The following EYS variants were observed in gnomAD, a reference collection of about 807,000 sequenced individuals.
EYS encodes protein eyes shut homolog.
Under a neutral mutation model 282.1 loss-of-function variants are expected in EYS, and 250 were observed. The observed-to-expected ratio is 0.89, with a 90% CI of 0.80 to 0.98. EYS has a LOEUF of 0.98. EYS is among the 50% of genes least tolerant of loss of function. EYS has a pLI of 0.00. For synonymous variants in EYS, 1,355 were observed against 1,282.9 expected (o/e 1.06, Z -1.20); for missense variants, 4,016 against 3,709.0 (o/e 1.08, Z -2.15).
intron 10 of EYS, among the ~76,000 whole-genome samples, chr6:65,337,668 A>G (rs1770040332): frequency 6.6e-6 from 1 of 151,078 alleles, no homozygotes; most frequent in African/African-American, 2.4e-5. Flanking sequence ...ACTTGGCTAT[A>G]AAGCTATATT....
intron 13 of EYS, among the ~76,000 whole-genome samples, chr6:65,014,836 A>G (rs1323016880): frequency 6.6e-6 from 1 of 152,172 alleles, no homozygotes; most frequent in Non-Finnish European, 1.5e-5. Context: ...TATGTGGCCA[A>G]TAAGAATTTG....
chr6:65,201,441 A>G (rs1765898204), intron 12 of EYS, among the ~76,000 whole-genome samples: 1 of 152,146 alleles, frequency 6.6e-6, no homozygotes, highest in African/African-American at 2.4e-5. Context: ...TATAGTTTTA[A>G]TACTCTTCTT....
intron 24 of EYS, among the ~76,000 whole-genome samples, chr6:64,613,817 C>T (rs1211341664): frequency 6.6e-6 from 1 of 152,082 alleles, no homozygotes; most frequent in Non-Finnish European, 1.5e-5. Context: ...GAGAAAAATC[C>T]CCTCATGCTT....
intron 12 of EYS, among the ~76,000 whole-genome samples, chr6:65,142,618 A>G (rs551773274): frequency 6.6e-6 from 1 of 151,796 alleles, no homozygotes; most frequent in East Asian, 1.9e-4. Flanking sequence ...ACTCTGTAAT[A>G]TCTTTGCAAC....
At chr6:65,184,680 T>A (rs113729223) in intron 12 of EYS, among the ~76,000 whole-genome samples, 2 of 151,690 alleles carry the variant, frequency 1.3e-5, no homozygotes, top group African/African-American at 4.8e-5. Flanking sequence ...TTTTTAAAAC[T>A]GAATTTAAAA....
chr6:64,912,371 G>A, intron 16 of EYS, 113 bp downstream of exon 16: 1 of 855,792 alleles, frequency 1.2e-6, no homozygotes, highest in South Asian at 1.6e-5. Context: ...TACCCACAAT[G>A]TACATAGGAT....
intron 22 of EYS, among the ~76,000 whole-genome samples, chr6:64,657,176 C>A (rs1768780451): frequency 6.6e-6 from 1 of 151,894 alleles, no homozygotes; most frequent in Non-Finnish European, 1.5e-5. Context: ...AGGATTGCAA[C>A]CCCTGCCTTT....
intron 36 of EYS, among the ~76,000 whole-genome samples, chr6:63,840,193 G>T (rs1272672889): frequency 6.9e-6 from 1 of 144,278 alleles, no homozygotes; most frequent in East Asian, 2.0e-4. Context: ...GACTACAGTT[G>T]CCTGCCACCA....
At chr6:64,708,962 T>G (rs1013939548) in intron 22 of EYS, among the ~76,000 whole-genome samples, 11 of 152,108 alleles carry the variant, frequency 7.2e-5, no homozygotes, top group African/African-American at 2.7e-4. Context: ...TCGTGTTTAA[T>G]TTGAATATTG....
chr6:65,531,299 T>C (rs554409372), intron 2 of EYS, among the ~76,000 whole-genome samples: 1 of 152,318 alleles, frequency 6.6e-6, no homozygotes, highest in African/African-American at 2.4e-5. Flanking sequence ...GTTAACATCA[T>C]TGTATTTGCC....
Position 64,436,247 on chromosome 6 carries a change from C to A in EYS, c.5854G>T (p.Gly1952Cys), listed in dbSNP as rs1482937974. 1 of 1,540,812 alleles carries A rather than the reference C, an allele frequency of 6.5e-7. No individual in the cohort carries two copies. Among genetic ancestry groups the A allele is most frequent in the Non-Finnish European group, 8.8e-7 (1 of 1,140,302 alleles). The change falls in exon 28 of 43, where the codon GGT (glycine) becomes TGT (cysteine). Residue 1952 changes from glycine (G) to cysteine (C), a missense_variant. Coordinates refer to ENST00000503581, the MANE Select transcript of EYS (RefSeq NM_001142800.2). The part of the protein sequence containing the change: ...GTLKYHFYCP[G>C]EAKFKSINTT... Reference sequence around the variant, plus strand: ...TTAATGCTTTTAAATTTTGCTTCACCAGGACAGTAAAAGTGGTACTGTTGG... The same window carrying A: ...TTAATGCTTTTAAATTTTGCTTCACAAGGACAGTAAAAGTGGTACTGTTGG...
chr6:64,893,029 G>A (rs1554215191), intron 18 of EYS, among the ~76,000 whole-genome samples: 2 of 151,920 alleles, frequency 1.3e-5, no homozygotes, highest in Non-Finnish European at 2.9e-5. Context: ...TTCTTTAAAT[G>A]CACTAGCCAC....
chr6:64,579,242 G>T (rs1395196296), intron 26 of EYS, among the ~76,000 whole-genome samples: 1 of 152,108 alleles, frequency 6.6e-6, no homozygotes, highest in Non-Finnish European at 1.5e-5. Flanking sequence ...GCTAAGATCT[G>T]CCCTAGCAGG....
At chr6:63,746,847 A>G (rs1335412338) in intron 41 of EYS, among the ~76,000 whole-genome samples, 2 of 151,900 alleles carry the variant, frequency 1.3e-5, no homozygotes, top group African/African-American at 2.4e-5. Flanking sequence ...CTGGCTAGCA[A>G]TCTATCTATT....
At chr6:65,236,621 AT>A (rs1222137951) in intron 12 of EYS, among the ~76,000 whole-genome samples, 2 of 150,182 alleles carry the variant, frequency 1.3e-5, no homozygotes, top group African/African-American at 4.9e-5. Context: ...TAAAAAAAAA[AT>A]AAATAACAGT....
chr6:64,932,369 T>G (rs1276147227), intron 15 of EYS, among the ~76,000 whole-genome samples: 1 of 152,050 alleles, frequency 6.6e-6, no homozygotes, highest in Admixed American at 6.6e-5. Flanking sequence ...TGACTAAAAA[T>G]TCACTCTTAT....
intron 19 of EYS, among the ~76,000 whole-genome samples, chr6:64,841,962 A>G (rs891564463): frequency 1.3e-5 from 2 of 152,130 alleles, no homozygotes; most frequent in Admixed American, 1.3e-4. Flanking sequence ...GGAAATGTCA[A>G]TAAGCCCAAT....
At chr6:63,836,056 T>G (rs1771797700) in intron 36 of EYS, among the ~76,000 whole-genome samples, 1 of 152,110 alleles carries the variant, frequency 6.6e-6, no homozygotes, top group Non-Finnish European at 1.5e-5. Flanking sequence ...CAGGTTTTTG[T>G]ATGGACATAT....
At chr6:64,435,368 AAGAT>A (rs1177326355) in intron 28 of EYS, among the ~76,000 whole-genome samples, 2 of 151,494 alleles carry the variant, frequency 1.3e-5, no homozygotes, top group Non-Finnish European at 2.9e-5. Context: ...TGGCCTAAGG[AAGAT>A]AGAACTTCCT....
Sources: gnomAD v4.1 joint callset for allele counts (sites outside exome capture counted in the v4.1 genomes callset) on GRCh38, gnomAD v4.1.1 for gene constraint, MANE v1.5 for transcripts, NCBI Gene and HGNC (gene_info 2026-07-23, HGNC 2026-07-21) for gene names.